ARHGAP26: variants seen among roughly 807,000 people sequenced by gnomAD.
ARHGAP26 encodes the protein Rho GTPase activating protein 26.
ARHGAP26 carries 38 observed loss-of-function variants against 104.8 expected under a neutral mutation model. The observed-to-expected ratio is 0.36, with a 90% CI of 0.28 to 0.48. ARHGAP26 has a LOEUF of 0.48. Among genes scored for constraint, ARHGAP26 ranks in the 20% least tolerant of loss-of-function variants. The pLI, the probability that ARHGAP26 is intolerant of heterozygous loss-of-function variation, is 0.99. For synonymous variants in ARHGAP26, 341 were observed against 340.0 expected, an observed-to-expected ratio of 1.00 and a Z score of -0.03; for missense variants, 704 against 947.9, an observed-to-expected ratio of 0.74 and a Z score of 3.38.
chr5:143,054,730 C>T (rs1785545173), intron 15 of ARHGAP26, among the ~76,000 whole-genome samples: 7 of 152,068 alleles, frequency 4.6e-5, no homozygotes, highest in Admixed American at 4.6e-4. Context: ...GCAGTGACAC[C>T]CTGAGTGATT....
chr5:143,092,484 C>A (rs557425425), intron 17 of ARHGAP26, among the ~76,000 whole-genome samples: 1 of 152,112 alleles, frequency 6.6e-6, no homozygotes, highest in African/African-American at 2.4e-5. Context: ...CTTTAAACAA[C>A]CAGTTAATTT....
chr5:143,193,333 C>T (rs541057382), intron 20 of ARHGAP26, among the ~76,000 whole-genome samples: 22 of 150,316 alleles, frequency 1.5e-4, no homozygotes, highest in African/African-American at 3.2e-4. Flanking sequence ...CTGCAACCTC[C>T]GCCTCCCAGG....
chr5:142,932,453 A>G (rs949725872), intron 11 of ARHGAP26, among the ~76,000 whole-genome samples: 1 of 152,174 alleles, frequency 6.6e-6, no homozygotes, highest in Non-Finnish European at 1.5e-5. Context: ...ATCAGGATGG[A>G]TGGAGGGAGG....
intron 1 of ARHGAP26, among the ~76,000 whole-genome samples, chr5:142,838,359 C>G (rs1339104727): frequency 6.6e-6 from 1 of 152,040 alleles, no homozygotes; most frequent in East Asian, 1.9e-4. Context: ...TTTCTTCCTC[C>G]TTATAGCCAA....
chr5:143,136,795 A>T (rs895859065), intron 19 of ARHGAP26, among the ~76,000 whole-genome samples: 3 of 152,226 alleles, frequency 2.0e-5, no homozygotes, highest in Non-Finnish European at 4.4e-5. Flanking sequence ...TGGTCTATGG[A>T]CAAAGACAGA....
intron 1 of ARHGAP26, among the ~76,000 whole-genome samples, chr5:142,808,942 C>G (rs896685482): frequency 1.3e-5 from 2 of 152,212 alleles, no homozygotes; most frequent in Non-Finnish European, 2.9e-5. Flanking sequence ...AGCTTGTGTC[C>G]TTGTCCTTTC....
At chr5:143,116,423 C>G (rs1214080964) in intron 17 of ARHGAP26, among the ~76,000 whole-genome samples, 1 of 152,190 alleles carries the variant, frequency 6.6e-6, no homozygotes, top group Non-Finnish European at 1.5e-5. Flanking sequence ...ACATAACACT[C>G]TAGGCCTCAA....
chr5:142,772,855 G>A (rs369725108), intron 1 of ARHGAP26: 8 of 533,514 alleles, frequency 1.5e-5, no homozygotes, highest in South Asian at 5.6e-5. Flanking sequence ...AGGAGGGTGC[G>A]TTTGGGTGAC....
At position 143,088,885 on chromosome 5, in the gene ARHGAP26, A is replaced by G. The variant is rs577203923; in HGVS notation, c.1538+31138A>G. ...GAGTGGTTTGGCGGGAAAAATGGTT[A>G]TGACAGAGCAGATAATCGGAATGAG... On this transcript the variant is annotated intron_variant, in intron 17 of 22. Transcript: ENST00000645722. 1.9e-4 allele frequency among the ~76,000 whole-genome samples: 29 copies of G among 152,256 alleles called. No individual in the cohort carries two copies. The South Asian group carries it at 5.6e-3, about 29-fold the overall frequency.
chr5:142,976,260 A>G (rs1773073970), intron 11 of ARHGAP26, among the ~76,000 whole-genome samples: 1 of 152,254 alleles, frequency 6.6e-6, no homozygotes, highest in Non-Finnish European at 1.5e-5. Context: ...ATCTGTTTGA[A>G]ATAGGAGTAT....
chr5:142,922,414 A>G (rs1763322430), intron 10 of ARHGAP26, among the ~76,000 whole-genome samples: 1 of 133,166 alleles, frequency 7.5e-6, no homozygotes, highest in Admixed American at 7.4e-5. Context: ...GTATACATTG[A>G]CAGAAGAGTG....
Position 142,871,176 on chromosome 5 carries a change from G to A in ARHGAP26, c.155-2224G>A, listed in dbSNP as rs1203871602. On this transcript the variant is annotated intron_variant, in intron 1 of 22. Transcript: ENST00000645722. The surrounding 1 kb of genome is among the most constrained non-coding windows in gnomAD (Gnocchi z 4.1). ...CCTCACTGCTTCTCAGGCTTGCACTGTGGCAGGGTGTGCTCTGTGCCAGTG... is the reference window on the plus strand; with the variant it reads ...CCTCACTGCTTCTCAGGCTTGCACTATGGCAGGGTGTGCTCTGTGCCAGTG... Among the ~76,000 whole-genome samples the A allele has an allele frequency of 6.6e-6, 1 of 152,180 alleles. No homozygotes were observed. The highest frequency in any genetic ancestry group is 1.5e-5 in the Non-Finnish European group (1 of 68,032).
intron 1 of ARHGAP26, among the ~76,000 whole-genome samples, chr5:142,847,100 C>T (rs1772125446): frequency 6.6e-6 from 1 of 152,100 alleles, no homozygotes; most frequent in African/African-American, 2.4e-5. Context: ...ATCACTGTGC[C>T]TCTCTCACCT....
At chr5:143,169,318 C>T (rs1374322582) in intron 20 of ARHGAP26, among the ~76,000 whole-genome samples, 1 of 152,214 alleles carries the variant, frequency 6.6e-6, no homozygotes, top group African/African-American at 2.4e-5. Context: ...TAAAATGGAA[C>T]TTACTGGTTT....
At chr5:143,080,112 A>G (rs1789588434) in intron 17 of ARHGAP26, among the ~76,000 whole-genome samples, 1 of 152,148 alleles carries the variant, frequency 6.6e-6, no homozygotes. Context: ...GCTGACCTTT[A>G]TATGTAGGAC....
At chr5:143,164,473 A>C (rs1426258658) in intron 20 of ARHGAP26, among the ~76,000 whole-genome samples, 1 of 152,218 alleles carries the variant, frequency 6.6e-6, no homozygotes, top group African/African-American at 2.4e-5. Flanking sequence ...CAATTAGGTT[A>C]GATGCCCACA....
intron 11 of ARHGAP26, among the ~76,000 whole-genome samples, chr5:142,960,747 C>T (rs980261113): frequency 5.3e-5 from 8 of 152,238 alleles, no homozygotes; most frequent in Non-Finnish European, 1.0e-4. Context: ...CTTCTCATTA[C>T]CTTGAATAAA....
chr5:142,898,220 A>C lies in ARHGAP26; in HGVS notation c.598-3715A>C, dbSNP rs570124419. On this transcript the variant is annotated intron_variant, in intron 6 of 22. Coordinates refer to ENST00000645722, the MANE Select transcript of ARHGAP26 (RefSeq NM_001135608.3). ...TATACACACACATACATATACATATATACGTATGTGCATATATATATGTAT... is the reference window on the plus strand; with the variant it reads ...TATACACACACATACATATACATATCTACGTATGTGCATATATATATGTAT... Among the ~76,000 whole-genome samples the C allele has an allele frequency of 4.6e-5, 7 of 152,204 alleles. No individual in the cohort carries two copies. The South Asian group carries it at 1.5e-3, about 32-fold the overall frequency.
At chr5:142,869,208 CTT>C (rs1262754470) in intron 1 of ARHGAP26, among the ~76,000 whole-genome samples, 26 of 137,148 alleles carry the variant, frequency 1.9e-4, no homozygotes, top group Admixed American at 3.7e-4. Context: ...TTTCTTTTTT[CTT>C]TTTTTTTTTT....
Sources: allele counts gnomAD v4.1 joint callset (sites outside exome capture counted in the v4.1 genomes callset), GRCh38; gene constraint gnomAD v4.1.1; non-coding constraint Gnocchi (gnomAD v3.1); transcripts MANE v1.5; gene names NCBI Gene and HGNC (gene_info 2026-07-23, HGNC 2026-07-21).